Variants in FAM13A observed in about 807,000 individuals in gnomAD.
FAM13A encodes the protein protein FAM13A.
Under a neutral mutation model 129.6 loss-of-function variants are expected in FAM13A, and 76 were observed. The ratio of observed to expected loss-of-function variants is 0.59; its 90% CI spans 0.49 to 0.71. The LOEUF is 0.71. FAM13A is among the 30% of genes least tolerant of loss of function. The pLI is 0.00. For synonymous variants in FAM13A, 443 were observed against 449.9 expected, an observed-to-expected ratio of 0.98 and a Z score of 0.20; for missense variants, 1,108 against 1,249.3, an observed-to-expected ratio of 0.89 and a Z score of 1.70.
intron 8 of FAM13A, among the ~76,000 whole-genome samples, chr4:88,791,181 C>T (rs967597378): frequency 1.3e-5 from 2 of 152,060 alleles, no homozygotes; most frequent in Admixed American, 6.6e-5. Flanking sequence ...GCCACATTTT[C>T]TTCCTAAGTT....
chr4:89,019,189 A>G (rs1170767340), intron 3 of FAM13A, among the ~76,000 whole-genome samples: 1 of 152,072 alleles, frequency 6.6e-6, no homozygotes, highest in African/African-American at 2.4e-5. Flanking sequence ...ATGGGGTAAA[A>G]TATTTCTGGT....
At chr4:88,858,318 T>C (rs2150019950) in intron 6 of FAM13A, among the ~76,000 whole-genome samples, 1 of 152,360 alleles carries the variant, frequency 6.6e-6, no homozygotes, top group South Asian at 2.1e-4. Context: ...TTAAGTCTTT[T>C]ATCAGGAAAA....
chr4:88,849,417 C>T (rs1285011693), intron 7 of FAM13A, among the ~76,000 whole-genome samples: 1 of 152,144 alleles, frequency 6.6e-6, no homozygotes, highest in Non-Finnish European at 1.5e-5. Flanking sequence ...CGTATTACCT[C>T]TGGGATAAAA....
At chr4:88,750,294 A>T in intron 15 of FAM13A, 130 bp downstream of exon 15, 1 of 743,318 alleles carries the variant, frequency 1.3e-6, no homozygotes, top group Non-Finnish European at 2.3e-6. Flanking sequence ...CCTAGGATGG[A>T]GAATTTCAAA....
intron 5 of FAM13A, among the ~76,000 whole-genome samples, chr4:88,910,959 T>C (rs894994433): frequency 6.6e-6 from 1 of 152,206 alleles, no homozygotes; most frequent in Non-Finnish European, 1.5e-5. Context: ...CTTTTAATTC[T>C]TTATTGTCCA....
intron 6 of FAM13A, among the ~76,000 whole-genome samples, chr4:88,876,752 C>T (rs1437555726): frequency 2.0e-5 from 3 of 152,108 alleles, no homozygotes; most frequent in Non-Finnish European, 4.4e-5. Flanking sequence ...CCACCACGCC[C>T]AGCTAATTTT....
chr4:88,964,053 G>T lies in FAM13A; in HGVS notation c.606-25812C>A, dbSNP rs572907472. ...ACAGGTTTGACTTCATTTAACCCAA[G>T]CAAAAACTTCTGAACAGTCAACATA... On this transcript the variant is annotated intron_variant, in intron 4 of 23. Transcript: ENST00000264344. 3.9e-5 allele frequency among the ~76,000 whole-genome samples: 6 copies of T among 152,280 alleles called. No individual in the cohort carries two copies. The South Asian group carries it at 1.2e-3, about 32-fold the overall frequency.
intron 1 of FAM13A, among the ~76,000 whole-genome samples, chr4:89,039,924 G>C (rs1481886341): frequency 2.0e-5 from 3 of 151,476 alleles, no homozygotes; most frequent in African/African-American, 7.3e-5. Flanking sequence ...CTGAACTCCA[G>C]CTCGGGTGAC....
At chr4:88,899,671 T>C (rs1426841667) in intron 6 of FAM13A, among the ~76,000 whole-genome samples, 1 of 152,012 alleles carries the variant, frequency 6.6e-6, no homozygotes, top group Admixed American at 6.6e-5. Flanking sequence ...TCATGAAACA[T>C]TCTGGATTAA....
intron 5 of FAM13A, among the ~76,000 whole-genome samples, chr4:88,912,103 A>T (rs1749169704): frequency 6.6e-6 from 1 of 152,220 alleles, no homozygotes; most frequent in South Asian, 2.1e-4. Context: ...TTTGATGGTT[A>T]AATTTAGGTG....
intron 3 of FAM13A, among the ~76,000 whole-genome samples, chr4:89,013,487 G>C (rs560249810): frequency 3.4e-4 from 50 of 144,948 alleles, no homozygotes; most frequent in African/African-American, 1.2e-3. Context: ...ACTAGTAGTT[G>C]CTCAATTACA....
intron 5 of FAM13A, among the ~76,000 whole-genome samples, chr4:88,914,785 T>G (rs915015705): frequency 1.3e-5 from 2 of 152,232 alleles, no homozygotes; most frequent in African/African-American, 2.4e-5. Context: ...ATTCAGTGTA[T>G]AGTTAATAAG....
chr4:88,790,777 A>C, intron 8 of FAM13A, 150 bp from the exon 9 acceptor site: 1 of 673,118 alleles, frequency 1.5e-6, no homozygotes, highest in Admixed American at 2.4e-5. Flanking sequence ...AAAGATGCTC[A>C]TTTTCACTTG....
chr4:88,899,501 G>A (rs201473603), intron 6 of FAM13A, among the ~76,000 whole-genome samples: 10 of 151,724 alleles, frequency 6.6e-5, no homozygotes, highest in African/African-American at 2.4e-4. Flanking sequence ...AAGTAAGTAA[G>A]TAAATAAATA....
rs1772280335 is a variant in FAM13A at position 89,057,040 on chromosome 4, C to T, written c.-76G>A. On this transcript the variant is annotated 5_prime_UTR_variant, in exon 1 of 24. An upstream start codon of the reference 5' UTR is lost. Transcript: ENST00000264344. ...AAACGACAGCAAAATACTAAAATTC[C>T]ATTCAGCACATATTCTTTGATGTGA... is the stretch of plus-strand genomic sequence containing the variant. 1 of 1,599,322 alleles carries T rather than the reference C, an allele frequency of 6.3e-7. No homozygotes were observed. Among genetic ancestry groups the T allele is most frequent in the Non-Finnish European group, 8.5e-7 (1 of 1,174,554 alleles).
intron 5 of FAM13A, among the ~76,000 whole-genome samples, chr4:88,919,226 A>G (rs1222347577): frequency 2.0e-5 from 3 of 152,260 alleles, no homozygotes; most frequent in Non-Finnish European, 2.9e-5. Flanking sequence ...GAGCAGATGT[A>G]TAAGACAGTC....
chr4:88,879,430 T>C (rs1219032600), intron 6 of FAM13A, among the ~76,000 whole-genome samples: 1 of 152,216 alleles, frequency 6.6e-6, no homozygotes, highest in East Asian at 1.9e-4. Flanking sequence ...TGATATGTAT[T>C]ATATGCACAA....
At chr4:88,744,885 C>T (rs1326545683) in intron 19 of FAM13A, among the ~76,000 whole-genome samples, 1 of 152,054 alleles carries the variant, frequency 6.6e-6, no homozygotes, top group Non-Finnish European at 1.5e-5. Context: ...TGTTCCCCAC[C>T]CTATGAGATG....
chr4:89,038,152 C>T (rs961762444), intron 1 of FAM13A, among the ~76,000 whole-genome samples: 2 of 152,236 alleles, frequency 1.3e-5, no homozygotes, highest in Non-Finnish European at 2.9e-5. Context: ...AGGGGGCCAA[C>T]ATTACCTGTA....
Sources: allele counts gnomAD v4.1 joint callset (sites outside exome capture counted in the v4.1 genomes callset), GRCh38; gene constraint gnomAD v4.1.1; transcripts MANE v1.5; gene names NCBI Gene and HGNC (gene_info 2026-07-23, HGNC 2026-07-21).